The following NME7 variants were observed in gnomAD, a reference collection of about 807,000 sequenced individuals.
NME7 encodes the protein NME/NM23 family member 7, also known as nucleoside diphosphate kinase 7.
Under a neutral mutation model 49.1 loss-of-function variants are expected in NME7, and 41 were observed. The ratio of observed to expected loss-of-function variants is 0.83; its 90% CI spans 0.65 to 1.08. The LOEUF (loss-of-function observed/expected upper bound fraction) is 1.08, where lower values mean the gene tolerates loss of function less well. NME7 is among the 50% of genes least tolerant of loss of function. The pLI, the probability that NME7 is intolerant of heterozygous loss-of-function variation, is 0.00. For synonymous variants in NME7, 139 were observed against 150.6 expected (o/e 0.92, Z 0.56); for missense variants, 423 against 463.4 (o/e 0.91, Z 0.80).
chr1:169,276,410 T>A lies in NME7; in HGVS notation c.754+10893A>T, dbSNP rs984098229. Among the ~76,000 whole-genome samples, 17 of 133,522 alleles carry A rather than the reference T, an allele frequency of 1.3e-4. 1 individual carries two copies. Among genetic ancestry groups the A allele is most frequent in the African/African-American group, 3.6e-4 (14 of 39,414 alleles). The allele number at this position is 133,522 out of a possible 152,430, so 87.6% of individuals were successfully genotyped here. A position where few individuals can be genotyped will look rare whatever the true frequency, so the allele number is the denominator to read the frequency against. On this transcript the variant is annotated intron_variant, in intron 7 of 11. Transcript: ENST00000367811. ...GAGATTCGACTTCTTCCTCGTTTAGTCTTGGGAGAGTGTATGTGTCGAGGA... is the reference window on the plus strand; with the variant it reads ...GAGATTCGACTTCTTCCTCGTTTAGACTTGGGAGAGTGTATGTGTCGAGGA...
chr1:169,186,576 T>C (rs12124744), intron 10 of NME7, among the ~76,000 whole-genome samples: 53,177 of 152,032 alleles, frequency 0.35, 10,182 homozygotes, highest in East Asian at 0.73. Flanking sequence ...TATTCTCTGA[T>C]GGTAGTTTGT....
At chr1:169,239,450 C>G (rs1364729621) in intron 7 of NME7, among the ~76,000 whole-genome samples, 3 of 151,752 alleles carry the variant, frequency 2.0e-5, no homozygotes, top group African/African-American at 7.3e-5. Flanking sequence ...GGAAGAATGA[C>G]AATACTTTTA....
intron 10 of NME7, among the ~76,000 whole-genome samples, chr1:169,213,099 G>A (rs1020974494): frequency 3.9e-5 from 6 of 152,154 alleles, no homozygotes; most frequent in Non-Finnish European, 8.8e-5. Context: ...TATATGTAAT[G>A]CAGGCATCAT....
intron 10 of NME7, among the ~76,000 whole-genome samples, chr1:169,203,929 T>G (rs1440365101): frequency 6.6e-6 from 1 of 152,060 alleles, no homozygotes; most frequent in East Asian, 1.9e-4. Context: ...TGATCAAAGC[T>G]CAGTGCAGCC....
intron 1 of NME7, among the ~76,000 whole-genome samples, chr1:169,334,918 C>T (rs533890678): frequency 2.0e-5 from 3 of 152,204 alleles, no homozygotes; most frequent in Admixed American, 2.0e-4. Context: ...TATGAACAGA[C>T]ACTTCTCAAA....
chr1:169,204,903 T>C lies in NME7; in HGVS notation c.990+25815A>G, dbSNP rs927527789. On this transcript the variant is annotated intron_variant, in intron 10 of 11. Coordinates refer to ENST00000367811, the MANE Select transcript of NME7 (RefSeq NM_013330.5). ...AAGCTTAGTATCTTTACAGATGGTG[T>C]AATTCCATTGGAAGTTTCTTTTCTT... 2.0e-5 allele frequency among the ~76,000 whole-genome samples: 3 copies of C among 152,268 alleles called. No individual in the cohort carries two copies. In the East Asian group the frequency reaches 5.8e-4, roughly 29 times the overall value.
At chr1:169,356,008 G>A (rs1653458115) in intron 1 of NME7, among the ~76,000 whole-genome samples, 1 of 152,108 alleles carries the variant, frequency 6.6e-6, no homozygotes, top group African/African-American at 2.4e-5. Flanking sequence ...CTCTAGAGGT[G>A]AACAGCCCTT....
intron 1 of NME7, among the ~76,000 whole-genome samples, chr1:169,343,745 T>C (rs574453720): frequency 2.6e-5 from 4 of 152,296 alleles, no homozygotes; most frequent in African/African-American, 9.6e-5. Context: ...TCCTCCTGCC[T>C]CGGCCTCCCA....
chr1:169,134,394 C>T (rs1251138306), intron 11 of NME7, among the ~76,000 whole-genome samples: 1 of 152,148 alleles, frequency 6.6e-6, no homozygotes, highest in Non-Finnish European at 1.5e-5. Context: ...GGTGTTCTTA[C>T]ATTCAAGAAA....
At chr1:169,159,787 T>C (rs188647974) in intron 11 of NME7, among the ~76,000 whole-genome samples, 5 of 152,328 alleles carry the variant, frequency 3.3e-5, no homozygotes, top group Admixed American at 2.0e-4. Context: ...TCCCCTTATA[T>C]ATGAACTCCT....
intron 10 of NME7, among the ~76,000 whole-genome samples, chr1:169,199,488 TA>T (rs1364873135): frequency 2.7e-5 from 4 of 146,614 alleles, no homozygotes; most frequent in Non-Finnish European, 6.0e-5. Flanking sequence ...TTATTATTAT[TA>T]TTATTTTTAA....
intron 3 of NME7, among the ~76,000 whole-genome samples, chr1:169,318,875 T>A (rs915214696): frequency 1.3e-5 from 2 of 151,672 alleles, no homozygotes; most frequent in Admixed American, 1.3e-4. Flanking sequence ...GAGATAGAGA[T>A]GGAAGCAGCG....
chr1:169,183,188 A>C (rs978775055), intron 10 of NME7, among the ~76,000 whole-genome samples: 1 of 152,266 alleles, frequency 6.6e-6, no homozygotes, highest in Non-Finnish European at 1.5e-5. Flanking sequence ...TAAGTTTATA[A>C]GTGCATGCTC....
chr1:169,147,296 A>C (rs1658784310), intron 11 of NME7, among the ~76,000 whole-genome samples: 1 of 152,136 alleles, frequency 6.6e-6, no homozygotes, highest in African/African-American at 2.4e-5. Context: ...ATCTTCCCTC[A>C]TGCTTAGTTT....
At chr1:169,339,599 A>G (rs943477548) in intron 1 of NME7, among the ~76,000 whole-genome samples, 1 of 152,340 alleles carries the variant, frequency 6.6e-6, no homozygotes, top group Admixed American at 6.5e-5. Context: ...AAACACACTG[A>G]GCCAAGTCTT....
intron 10 of NME7, among the ~76,000 whole-genome samples, chr1:169,219,415 C>G (rs144944883): frequency 6.6e-6 from 1 of 152,154 alleles, no homozygotes; most frequent in Admixed American, 6.5e-5. Context: ...ATAGGTTCCA[C>G]GCAAATACTA....
chr1:169,196,096 T>C (rs1571282209), intron 10 of NME7, among the ~76,000 whole-genome samples: 1 of 152,208 alleles, frequency 6.6e-6, no homozygotes, highest in Admixed American at 6.5e-5. Context: ...TTTCTGCGAA[T>C]AAATTGTGGA....
intron 11 of NME7, among the ~76,000 whole-genome samples, chr1:169,165,560 G>C (rs1180255970): frequency 1.3e-5 from 2 of 152,144 alleles, no homozygotes; most frequent in Non-Finnish European, 2.9e-5. Context: ...GCCTTTCAAA[G>C]GGTGTTTAAT....
chr1:169,329,181 AC>A (rs1270539451), intron 1 of NME7, among the ~76,000 whole-genome samples: 1,781 of 152,184 alleles, frequency 0.012, 38 homozygotes, highest in African/African-American at 0.041. Flanking sequence ...GCTAACAACA[AC>A]AAAAAAAAAA....
Sources: allele counts gnomAD v4.1 joint callset (sites outside exome capture counted in the v4.1 genomes callset), GRCh38; gene constraint gnomAD v4.1.1; transcripts MANE v1.5; gene names NCBI Gene and HGNC (gene_info 2026-07-23, HGNC 2026-07-21).